The following ZFYVE9 variants were observed in gnomAD, a reference collection of about 807,000 sequenced individuals.
ZFYVE9 encodes zinc finger FYVE domain-containing protein 9.
In ZFYVE9, 43 loss-of-function variants were observed where a neutral mutation model predicts 126.7. The ratio of observed to expected loss-of-function variants is 0.34; its 90% CI spans 0.27 to 0.44. ZFYVE9 has a LOEUF of 0.44. ZFYVE9 is among the 20% of genes least tolerant of loss of function. ZFYVE9 has a pLI of 1.00. For synonymous variants in ZFYVE9, 521 were observed against 597.4 expected (o/e 0.87, Z 1.87); for missense variants, 1,476 against 1,697.0 (o/e 0.87, Z 2.29).
chr1:52,272,673 C>CTTTTTTTTTTTTTTTTTTTTTTTTT (rs58857376), intron 7 of ZFYVE9, among the ~76,000 whole-genome samples: 6 of 121,260 alleles, frequency 4.9e-5, no homozygotes, highest in African/African-American at 1.7e-4. Flanking sequence ...TAGAAATAAT[C>CTTTTTTTTTTTTTTTTTTTTTTTTT]TTTTTTTTTT....
rs2147871245 is a variant in ZFYVE9 at position 52,334,015 on chromosome 1, C to A, written c.3590-673C>A. 2.0e-5 allele frequency among the ~76,000 whole-genome samples: 3 copies of A among 151,984 alleles called. 1 individual carries two copies. In the South Asian group the frequency reaches 6.2e-4, roughly 32 times the overall value. On this transcript the variant is annotated intron_variant, in intron 14 of 18. Coordinates refer to ENST00000287727, the MANE Select transcript of ZFYVE9 (RefSeq NM_004799.4). ...GGCTGAGGCAGGAGAATGGCGTGAA[C>A]CCAGGAGGTGGAGCTTGCAGTGAGC...
intron 5 of ZFYVE9, among the ~76,000 whole-genome samples, chr1:52,264,799 A>G (rs1186674996): frequency 2.6e-5 from 4 of 152,166 alleles, no homozygotes; most frequent in Non-Finnish European, 5.9e-5. Flanking sequence ...CATGACAGTT[A>G]ATCTGATCTG....
intron 13 of ZFYVE9, among the ~76,000 whole-genome samples, chr1:52,307,218 A>G (rs902509779): frequency 6.6e-6 from 1 of 152,142 alleles, no homozygotes; most frequent in African/African-American, 2.4e-5. Flanking sequence ...TGAGGCGCTC[A>G]TAGTTATTTC....
chr1:52,334,053 G>T (rs1050085519), intron 14 of ZFYVE9, among the ~76,000 whole-genome samples: 1 of 150,298 alleles, frequency 6.7e-6, no homozygotes, highest in Non-Finnish European at 1.5e-5. Context: ...AGATAGCACC[G>T]CTGCACGTCA....
intron 1 of ZFYVE9, among the ~76,000 whole-genome samples, chr1:52,165,853 C>T (rs1270874892): frequency 6.6e-6 from 1 of 152,162 alleles, no homozygotes; most frequent in African/African-American, 2.4e-5. Flanking sequence ...TAAATAATAA[C>T]AGCAAATTTG....
chr1:52,149,086 C>T (rs1172994817), intron 1 of ZFYVE9, among the ~76,000 whole-genome samples: 1 of 148,752 alleles, frequency 6.7e-6, no homozygotes, highest in African/African-American at 2.5e-5. Flanking sequence ...GACCCAGCCT[C>T]TCGAGTAGCT....
At chr1:52,236,023 G>A (rs529336967) in intron 3 of ZFYVE9, among the ~76,000 whole-genome samples, 3 of 152,194 alleles carry the variant, frequency 2.0e-5, no homozygotes, top group Admixed American at 6.5e-5. Flanking sequence ...TATACAGTGA[G>A]TTGTTTTGCT....
chr1:52,268,684 G>A, intron 7 of ZFYVE9, 52 bp downstream of exon 7: 1 of 1,574,164 alleles, frequency 6.4e-7, no homozygotes, highest in Non-Finnish European at 8.6e-7. Context: ...ACTCAGCATT[G>A]TGCTGCCTCT....
intron 11 of ZFYVE9, among the ~76,000 whole-genome samples, chr1:52,294,876 T>G (rs916559875): frequency 6.6e-6 from 1 of 152,236 alleles, no homozygotes; most frequent in Non-Finnish European, 1.5e-5. Context: ...GATTTGCCTC[T>G]CCTAAGGAGG....
intron 1 of ZFYVE9, among the ~76,000 whole-genome samples, chr1:52,165,949 T>C (rs1644509802): frequency 6.6e-6 from 1 of 152,180 alleles, no homozygotes; most frequent in Admixed American, 6.5e-5. Flanking sequence ...TCTCCTGCTA[T>C]TTGTGCTCTG....
At chr1:52,205,819 C>T (rs1644973232) in intron 1 of ZFYVE9, among the ~76,000 whole-genome samples, 1 of 152,166 alleles carries the variant, frequency 6.6e-6, no homozygotes, top group South Asian at 2.1e-4. Flanking sequence ...ACTCTTGGTT[C>T]ACACAATTTG....
At chr1:52,182,221 G>T (rs4568780) in intron 1 of ZFYVE9, among the ~76,000 whole-genome samples, 2,244 of 152,294 alleles carry the variant, frequency 0.015, 69 homozygotes, top group African/African-American at 0.052. Flanking sequence ...GAGCCCCTCT[G>T]CCCGGCCACC....
chr1:52,254,047 G>A, intron 4 of ZFYVE9: 2 of 754,570 alleles, frequency 2.7e-6, no homozygotes, highest in Non-Finnish European at 2.3e-6. Flanking sequence ...TGCTGTTCTA[G>A]CCAGTCATCA....
In ZFYVE9 at chr1:52,150,961, G is replaced by A. The variant is rs368275994; in HGVS notation, c.-143+8558G>A. Among the ~76,000 whole-genome samples the A allele has an allele frequency of 5.2e-4, 78 of 151,186 alleles. No homozygotes were observed. In the Middle Eastern group the frequency reaches 0.011, roughly 20 times the overall value. Reference sequence around the variant, plus strand: ...TTGAACTTCACAGTACATCATGTAGGCCTTTTTGTGATTCTGGTGATAATT... The same window carrying A: ...TTGAACTTCACAGTACATCATGTAGACCTTTTTGTGATTCTGGTGATAATT... On this transcript the variant is annotated intron_variant, in intron 1 of 18. Transcript: ENST00000287727.
chr1:52,238,478 A>G lies in ZFYVE9; in HGVS notation c.1061A>G (p.Asp354Gly). The G allele has an allele frequency of 6.2e-7, 1 of 1,614,100 alleles. No individual in the cohort carries two copies. Among genetic ancestry groups the G allele is most frequent in the Non-Finnish European group, 8.5e-7 (1 of 1,179,958 alleles). The change falls in exon 4 of 19, where the codon GAC (aspartate) becomes GGC (glycine). Residue 354 changes from aspartate to glycine, a missense_variant. Asp to Gly is a moderately conservative substitution (Grantham distance 94). This residue lies in a region of ZFYVE9 where 807 missense variants were observed against 794.6 expected (regional missense o/e 1.02). Coordinates refer to ENST00000287727, the MANE Select transcript of ZFYVE9 (RefSeq NM_004799.4). ...DMPNGSGRNN[D>G]CERCSDCLVP... ...CCTAATGGGTCTGGAAGGAATAATGACTGTGAACGGTGTTCAGATTGCCTT... is the reference window on the plus strand; with the variant it reads ...CCTAATGGGTCTGGAAGGAATAATGGCTGTGAACGGTGTTCAGATTGCCTT...
Position 52,266,839 on chromosome 1 carries a change from A to G in ZFYVE9, c.2455+8A>G. ...AGCACCCTGGAGCAGAAGGTAGGGGATCATGTGCTATTCTCTCTCTTTTTC... is the reference window on the plus strand; with the variant it reads ...AGCACCCTGGAGCAGAAGGTAGGGGGTCATGTGCTATTCTCTCTCTTTTTC... On this transcript the variant is annotated splice_region_variant and intron_variant, in intron 6 of 18. Coordinates refer to ENST00000287727, the MANE Select transcript of ZFYVE9 (RefSeq NM_004799.4). The G allele has an allele frequency of 6.3e-7, 1 of 1,582,510 alleles. No individual in the cohort carries two copies. The highest frequency in any genetic ancestry group is 8.6e-7 in the Non-Finnish European group (1 of 1,166,394).
In ZFYVE9 at chr1:52,201,785, T is replaced by C. The variant is rs2266440; in HGVS notation, c.-142-14584T>C. Among the ~76,000 whole-genome samples the C allele has an allele frequency of 1.7e-3, 258 of 149,606 alleles. 2 individuals are homozygous for C. Among genetic ancestry groups the C allele is most frequent in the African/African-American group, 5.8e-3 (228 of 39,302 alleles). On this transcript the variant is annotated intron_variant, in intron 1 of 18. Transcript: ENST00000287727. ...TAAAAAAAAAATTATTTTATGTATT[T>C]ATTTATTTATTTTTTTGAGATGAAG...
chr1:52,209,724 C>G (rs1429858948), intron 1 of ZFYVE9, among the ~76,000 whole-genome samples: 1 of 152,040 alleles, frequency 6.6e-6, no homozygotes, highest in Admixed American at 6.6e-5. Flanking sequence ...TTGTGTTGAT[C>G]AAGATGACTA....
chr1:52,266,405 T>TTA (rs1181730554), intron 5 of ZFYVE9, among the ~76,000 whole-genome samples: 3 of 85,638 alleles, frequency 3.5e-5, no homozygotes, highest in African/African-American at 9.6e-5. Context: ...TCTAATTCTT[T>TTA]AAAAAAAAAA....
Sources: gnomAD v4.1 joint callset for allele counts (sites outside exome capture counted in the v4.1 genomes callset) on GRCh38, gnomAD v4.1.1 for gene constraint, gnomAD v4.1.1 regional missense constraint, MANE v1.5 for transcripts, NCBI Gene and HGNC (gene_info 2026-07-23, HGNC 2026-07-21) for gene names.